The following NRXN1 variants were observed in gnomAD, a reference collection of about 807,000 sequenced individuals.
The protein encoded by NRXN1 is neurexin 1, also known as neurexin-1.
A neutral mutation model predicts 150.9 loss-of-function variants in NRXN1; 39 were observed. The observed-to-expected ratio is 0.26, with a 90% CI of 0.20 to 0.34. The LOEUF is 0.34. Ranked by LOEUF, NRXN1 falls within the 10% of genes least tolerant of loss-of-function variation. The pLI is 1.00. For missense variants in NRXN1, 1,815 were observed against 1,949.9 expected (o/e 0.93, Z 1.30); for synonymous variants, 924 against 757.0 (o/e 1.22, Z -3.62).
chr2:50,372,019 A>G (rs2153020392), intron 17 of NRXN1, among the ~76,000 whole-genome samples: 1 of 152,170 alleles, frequency 6.6e-6, no homozygotes, highest in South Asian at 2.1e-4. Flanking sequence ...TGGTCTAAGT[A>G]CTACCCTTTG....
At chr2:50,641,253 C>A (rs1456608639) in intron 5 of NRXN1, among the ~76,000 whole-genome samples, 1 of 151,980 alleles carries the variant, frequency 6.6e-6, no homozygotes, top group Non-Finnish European at 1.5e-5. Flanking sequence ...TACATTTTTG[C>A]TTGTGTTTTC....
chr2:50,584,166 G>T (rs1672723471), intron 8 of NRXN1, among the ~76,000 whole-genome samples: 1 of 152,168 alleles, frequency 6.6e-6, no homozygotes, highest in African/African-American at 2.4e-5. Context: ...AATTAGGAGA[G>T]AAATAATTTC....
chr2:50,379,465 C>T (rs10168557), intron 17 of NRXN1, among the ~76,000 whole-genome samples: 5,096 of 152,232 alleles, frequency 0.033, 206 homozygotes, highest in East Asian at 0.12. Context: ...GAATCAGTCT[C>T]GCTTGCAGGT....
chr2:50,290,373 G>A (rs1915233), intron 17 of NRXN1, among the ~76,000 whole-genome samples: 128,245 of 152,166 alleles, frequency 0.84, 54,215 homozygotes, highest in African/African-American at 0.9. Context: ...ATATAATAAG[G>A]GAGGAAGAAA....
At chr2:50,957,608 C>T (rs1692478514) in intron 2 of NRXN1, among the ~76,000 whole-genome samples, 1 of 152,114 alleles carries the variant, frequency 6.6e-6, no homozygotes. Flanking sequence ...ATAAATGATT[C>T]TGCGGCTTTA....
chr2:50,724,778 G>T (rs962113376), intron 5 of NRXN1, among the ~76,000 whole-genome samples: 1 of 152,120 alleles, frequency 6.6e-6, no homozygotes, highest in Admixed American at 6.5e-5. Context: ...GTGTGATGAG[G>T]TATTACTCAT....
At chr2:50,032,070 C>T (rs879699846) in intron 21 of NRXN1, among the ~76,000 whole-genome samples, 1 of 151,896 alleles carries the variant, frequency 6.6e-6, no homozygotes, top group Non-Finnish European at 1.5e-5. Context: ...AAAATATCTA[C>T]CATTCAATTA....
intron 5 of NRXN1, among the ~76,000 whole-genome samples, chr2:50,889,212 T>C (rs1680698833): frequency 6.6e-6 from 1 of 151,694 alleles, no homozygotes; most frequent in Admixed American, 6.6e-5. Context: ...CCACCAATAC[T>C]TGAAATTGGC....
chr2:50,827,407 CTG>C (rs1266821162), intron 5 of NRXN1, among the ~76,000 whole-genome samples: 2 of 152,082 alleles, frequency 1.3e-5, no homozygotes, highest in Non-Finnish European at 2.9e-5. Context: ...ATAAAATACT[CTG>C]GGGAAATATG....
At chr2:50,395,315 C>A (rs1239262460) in intron 17 of NRXN1, among the ~76,000 whole-genome samples, 2 of 151,374 alleles carry the variant, frequency 1.3e-5, no homozygotes, top group Non-Finnish European at 2.9e-5. Context: ...TTCTTTACCT[C>A]ACATCAAAAA....
chr2:50,508,150 CA>C (rs759123403), intron 12 of NRXN1, among the ~76,000 whole-genome samples: 1 of 152,098 alleles, frequency 6.6e-6, no homozygotes, highest in Non-Finnish European at 1.5e-5. Context: ...ACTAATAATT[CA>C]AGTGTTGTAT....
At chr2:50,218,816 C>T (rs746051562) in intron 18 of NRXN1, among the ~76,000 whole-genome samples, 1 of 151,924 alleles carries the variant, frequency 6.6e-6, no homozygotes, top group Admixed American at 6.6e-5. Context: ...TACCCAGTGA[C>T]ATTTTAGTTA....
At chr2:50,230,389 G>A (rs1574624334) in intron 18 of NRXN1, among the ~76,000 whole-genome samples, 1 of 152,034 alleles carries the variant, frequency 6.6e-6, no homozygotes, top group African/African-American at 2.4e-5. Flanking sequence ...AAATGCTGAA[G>A]ACATTAAATT....
At chr2:51,011,212 G>A (rs769021239) in intron 2 of NRXN1, among the ~76,000 whole-genome samples, 21 of 151,786 alleles carry the variant, frequency 1.4e-4, no homozygotes, top group Admixed American at 1.4e-3. Flanking sequence ...TTAAGAAATT[G>A]CCTACTTGTT....
At chr2:50,328,872 C>T (rs115615550) in intron 17 of NRXN1, among the ~76,000 whole-genome samples, 1 of 152,194 alleles carries the variant, frequency 6.6e-6, no homozygotes. Context: ...ACTCCTGACC[C>T]AGAACTGCTT....
intron 12 of NRXN1, among the ~76,000 whole-genome samples, chr2:50,520,021 C>T (rs2092742002): frequency 6.6e-6 from 1 of 151,892 alleles, no homozygotes; most frequent in Non-Finnish European, 1.5e-5. Context: ...GGGTGCAAAA[C>T]ATTCCTATAC....
chr2:50,602,330 T>C (rs997057670), intron 8 of NRXN1, among the ~76,000 whole-genome samples: 2 of 151,702 alleles, frequency 1.3e-5, no homozygotes, highest in African/African-American at 4.8e-5. Flanking sequence ...TGATACATCC[T>C]CAGAGAAGAT....
intron 2 of NRXN1, among the ~76,000 whole-genome samples, chr2:50,930,921 G>A (rs915975995): frequency 3.9e-5 from 6 of 152,202 alleles, no homozygotes; most frequent in South Asian, 4.2e-4. Context: ...AGAGTTTGAC[G>A]TCATCATATT....
At chr2:50,255,512 G>A (rs2067612810) in intron 17 of NRXN1, among the ~76,000 whole-genome samples, 1 of 152,106 alleles carries the variant, frequency 6.6e-6, no homozygotes, top group African/African-American at 2.4e-5. Flanking sequence ...AAATTACAAG[G>A]TGGTTCCAAT....
Sources: allele counts gnomAD v4.1 joint callset (sites outside exome capture counted in the v4.1 genomes callset), GRCh38; gene constraint gnomAD v4.1.1; transcripts MANE v1.5; gene names NCBI Gene and HGNC (gene_info 2026-07-23, HGNC 2026-07-21).